Variants in CPD observed in about 807,000 individuals in gnomAD.
CPD encodes the protein metallocarboxypeptidase D.
A neutral mutation model predicts 138.3 loss-of-function variants in CPD; 69 were observed. The observed-to-expected ratio is 0.50, with a 90% CI of 0.41 to 0.61. CPD has a LOEUF of 0.61. CPD is among the 20% of genes least tolerant of loss of function. The probability of loss-of-function intolerance (pLI) is 0.00; values close to 1 mark genes in which losing one functional copy is unlikely to be tolerated. For missense variants in CPD, 1,432 were observed against 1,733.3 expected, an observed-to-expected ratio of 0.83 and a Z score of 3.09; for synonymous variants, 651 against 642.1, an observed-to-expected ratio of 1.01 and a Z score of -0.21.
intron 8 of CPD, among the ~76,000 whole-genome samples, chr17:30,432,770 T>C (rs1442811646): frequency 2.0e-5 from 3 of 151,734 alleles, no homozygotes; most frequent in Admixed American, 1.3e-4. Flanking sequence ...AAAAAAAAAA[T>C]TAGCCGGTTG....
intron 2 of CPD, among the ~76,000 whole-genome samples, chr17:30,411,125 T>G (rs888272045): frequency 6.6e-6 from 1 of 152,198 alleles, no homozygotes; most frequent in Non-Finnish European, 1.5e-5. Context: ...GAAGCTTAGT[T>G]TGGCTGGATA....
At chr17:30,427,053 G>A (rs887344904) in intron 6 of CPD, among the ~76,000 whole-genome samples, 2 of 152,036 alleles carry the variant, frequency 1.3e-5, no homozygotes, top group African/African-American at 4.8e-5. Context: ...ATGATGGCAG[G>A]TGCCTGTAAT....
intron 17 of CPD, chr17:30,456,846 CAAA>C (rs11353479): frequency 1.2e-3 from 78 of 66,758 alleles, no homozygotes; most frequent in South Asian, 4.9e-3. Context: ...GATTCCATCT[CAAA>C]AAAAAAAAAA....
In CPD at chr17:30,427,637, G is replaced by C. The variant is rs918598321; in HGVS notation, c.2017+79G>C. 6 of 1,304,988 alleles carry C rather than the reference G, an allele frequency of 4.6e-6. No individual in the cohort carries two copies. The African/African-American group carries it at 7.3e-5, about 16-fold the overall frequency. 80.8% of individuals were successfully genotyped at this position (1,304,988 alleles called of 1,614,324 possible). A position where few individuals can be genotyped will look rare whatever the true frequency, so the allele number is the denominator to read the frequency against. On this transcript the variant is annotated intron_variant, in intron 7 of 20. Coordinates refer to ENST00000225719, the MANE Select transcript of CPD (RefSeq NM_001304.5). ...CCTGGTGGAATTTTATCTGTTTGTA[G>C]TGTTATGCTTTCTTAAAATGAGTAT...
At chr17:30,424,726 C>T (rs538480078) in intron 6 of CPD, among the ~76,000 whole-genome samples, 145 of 152,162 alleles carry the variant, frequency 9.5e-4, no homozygotes, top group Non-Finnish European at 1.4e-3. Flanking sequence ...TCTCCTGGGG[C>T]GTTATAGTGT....
chr17:30,447,111 T>C lies in CPD; in HGVS notation c.2873+1091T>C, dbSNP rs554093798. Among the ~76,000 whole-genome samples the C allele has an allele frequency of 3.3e-5, 5 of 152,234 alleles. No individual in the cohort carries two copies. In the East Asian group the frequency reaches 7.7e-4, roughly 23 times the overall value. The stretch of plus-strand genomic sequence containing the variant: ...GATGAGTAGATTGCAAAAATTTTCT[T>C]CCATTCTGTAGGTTGCCTGTTCACT... On this transcript the variant is annotated intron_variant, in intron 12 of 20. Coordinates refer to ENST00000225719, the MANE Select transcript of CPD (RefSeq NM_001304.5).
intron 4 of CPD, among the ~76,000 whole-genome samples, 156 bp downstream of exon 4, chr17:30,421,989 T>C (rs1405026043): frequency 6.6e-6 from 1 of 152,192 alleles, no homozygotes; most frequent in African/African-American, 2.4e-5. Context: ...GAAAATACTA[T>C]TGTGGAGTTT....
chr17:30,465,048 ACTTTTT>A lies in CPD; in HGVS notation c.*241_*246del, dbSNP rs71902832. On this transcript the variant is annotated 3_prime_UTR_variant, in exon 21 of 21. Transcript: ENST00000225719. ...TTTATGCAGCAGAGATGGGACAGCCACTTTTTCTTTTTAATTTAAGATGAGCTATTT... is the reference window on the plus strand; with the variant it reads ...TTTATGCAGCAGAGATGGGACAGCCACTTTTTAATTTAAGATGAGCTATTT... The A allele has an allele frequency of 0.063, 29,084 of 461,348 alleles. 1,233 individuals carry two copies. Among genetic ancestry groups the A allele is most frequent in the African/African-American group, 0.14 (6,924 of 51,010 alleles). The allele number at this position is 461,348 out of a possible 1,614,324, so 28.6% of individuals were successfully genotyped here.
chr17:30,409,824 T>C (rs926781458), intron 2 of CPD, among the ~76,000 whole-genome samples: 4 of 152,198 alleles, frequency 2.6e-5, no homozygotes, highest in South Asian at 2.1e-4. Context: ...TTCATTGATT[T>C]TTTTTGAATG....
intron 2 of CPD, among the ~76,000 whole-genome samples, chr17:30,399,745 T>C (rs1397636031): frequency 6.6e-6 from 1 of 152,180 alleles, no homozygotes; most frequent in Non-Finnish European, 1.5e-5. Context: ...ATCCCAGCAC[T>C]TTTGGAGGCT....
rs1405231648 is a variant in CPD at position 30,421,677 on chromosome 17, T to G, written c.1151T>G (p.Val384Gly). ...ITLIEKVHIG[V>G]KGFVKDSITG... ...TTGTCTTCTTAGGTTCACATTGGAG[T>G]GAAAGGATTTGTTAAAGATTCCATA... The change falls in exon 4 of 21, where the codon GTG becomes GGG. Residue 384 changes from valine (V) to glycine (G), a missense_variant. Around this residue, in one of 6 missense-constraint regions of CPD, gnomAD observed 160 missense variants for 197.9 expected, o/e 0.81. Transcript: ENST00000225719. The G allele has an allele frequency of 1.2e-6, 2 of 1,613,458 alleles. No individual in the cohort carries two copies. The highest frequency in any genetic ancestry group is 1.7e-6 in the Non-Finnish European group (2 of 1,179,684).
At chr17:30,398,368 A>G (rs1325720599) in intron 2 of CPD, among the ~76,000 whole-genome samples, 6 of 152,214 alleles carry the variant, frequency 3.9e-5, no homozygotes, top group Non-Finnish European at 5.9e-5. Context: ...GTGTGCCTGT[A>G]ACTGAATGTT....
intron 8 of CPD, among the ~76,000 whole-genome samples, chr17:30,433,729 T>A (rs536978899): frequency 1.3e-5 from 2 of 152,320 alleles, no homozygotes; most frequent in East Asian, 3.9e-4. Flanking sequence ...ATTCAGAGCC[T>A]TTATCCTCTA....
At chr17:30,398,566 T>C (rs936092917) in intron 2 of CPD, among the ~76,000 whole-genome samples, 2 of 152,124 alleles carry the variant, frequency 1.3e-5, no homozygotes, top group East Asian at 3.8e-4. Flanking sequence ...GGCTGCTCCC[T>C]GTTTGGGTGA....
At chr17:30,414,538 A>G (rs915877419) in intron 2 of CPD, among the ~76,000 whole-genome samples, 12 of 151,762 alleles carry the variant, frequency 7.9e-5, no homozygotes, top group African/African-American at 2.9e-4. Flanking sequence ...AGCTGAGATC[A>G]CACCACTGCA....
chr17:30,378,941 G>C lies in CPD; in HGVS notation c.-40G>C, dbSNP rs1355540991. ...GGGCCCCCGCCGCCCGGAGCGCTGA[G>C]CCGCGGGAGCGGAGCCGGGGTTAGC... On this transcript the variant is annotated 5_prime_UTR_variant, in exon 1 of 21. Transcript: ENST00000225719. 1 of 1,418,584 alleles carries C rather than the reference G, an allele frequency of 7.0e-7. No individual in the cohort carries two copies. The highest frequency in any genetic ancestry group is 2.9e-5 in the East Asian group (1 of 34,484). The allele number at this position is 1,418,584 out of a possible 1,614,324, so 87.9% of individuals were successfully genotyped here.
chr17:30,421,633 C>A, intron 3 of CPD, 31 bp from the exon 4 acceptor site: 1 of 1,604,402 alleles, frequency 6.2e-7, no homozygotes, highest in South Asian at 1.1e-5. Flanking sequence ...CCAAATTCAC[C>A]GTCTCTGAGC....
chr17:30,412,810 A>G (rs1597716121), intron 2 of CPD, among the ~76,000 whole-genome samples: 1 of 152,134 alleles, frequency 6.6e-6, no homozygotes, highest in African/African-American at 2.4e-5. Context: ...TAGGAAAGGG[A>G]AATCTCCCCA....
chr17:30,426,308 T>C (rs910827748), intron 6 of CPD, among the ~76,000 whole-genome samples: 14 of 152,092 alleles, frequency 9.2e-5, no homozygotes, highest in Non-Finnish European at 1.3e-4. Flanking sequence ...GTTTAATTAA[T>C]GCAAGGCCAG....
Sources: allele counts gnomAD v4.1 joint callset (sites outside exome capture counted in the v4.1 genomes callset), GRCh38; gene constraint gnomAD v4.1.1; regional missense constraint gnomAD v4.1.1; transcripts MANE v1.5; gene names NCBI Gene and HGNC (gene_info 2026-07-23, HGNC 2026-07-21).